Variants in HEATR5B observed in about 807,000 individuals in gnomAD.
The protein encoded by HEATR5B is HEAT repeat-containing protein 5B.
HEATR5B carries 156 observed loss-of-function variants against 224.1 expected under a neutral mutation model. The observed-to-expected ratio is 0.70, with a 90% confidence interval of 0.61 to 0.80. The LOEUF (loss-of-function observed/expected upper bound fraction) is 0.80. Among genes scored for constraint, HEATR5B ranks in the 30% least tolerant of loss-of-function variants. HEATR5B has a pLI of 0.00. For synonymous variants in HEATR5B, 1,027 were observed against 893.0 expected (o/e 1.15, Z -2.68); for missense variants, 2,323 against 2,535.5 (o/e 0.92, Z 1.80).
chr2:37,073,765 T>C (rs1672053263), intron 5 of HEATR5B, among the ~76,000 whole-genome samples: 1 of 152,154 alleles, frequency 6.6e-6, no homozygotes, highest in Non-Finnish European at 1.5e-5. Context: ...AATCCCAACA[T>C]GGTATTTTTG....
intron 26 of HEATR5B, among the ~76,000 whole-genome samples, chr2:37,015,154 A>G (rs955119985): frequency 6.6e-6 from 1 of 152,196 alleles, no homozygotes; most frequent in African/African-American, 2.4e-5. Context: ...GGTGTCAAAG[A>G]GGTTTGTATG....
intron 15 of HEATR5B, among the ~76,000 whole-genome samples, 182 bp from the exon 16 acceptor site, chr2:37,056,797 A>T (rs1157082855): frequency 6.6e-6 from 1 of 152,208 alleles, no homozygotes; most frequent in Non-Finnish European, 1.5e-5. Flanking sequence ...CATCAGTAAC[A>T]CCTTATACAA....
chr2:37,015,430 T>C (rs1487069792), intron 26 of HEATR5B, among the ~76,000 whole-genome samples: 2 of 152,088 alleles, frequency 1.3e-5, no homozygotes, highest in Non-Finnish European at 2.9e-5. Context: ...AGAACAGAGA[T>C]GATACGGATC....
At chr2:37,014,057 A>T in intron 26 of HEATR5B, 37 bp from the exon 27 acceptor site, 1 of 1,235,894 alleles carries the variant, frequency 8.1e-7, no homozygotes, top group Non-Finnish European at 1.1e-6. Flanking sequence ...TGTGTAAAAA[A>T]AATTAATGCT....
At chr2:37,078,576 C>G (rs1224568692) in intron 3 of HEATR5B, among the ~76,000 whole-genome samples, 2 of 152,146 alleles carry the variant, frequency 1.3e-5, no homozygotes, top group Non-Finnish European at 2.9e-5. Context: ...CTTTTGAGGT[C>G]TACATCTATC....
chr2:36,980,998 AT>A lies in HEATR5B; in HGVS notation c.*491del, dbSNP rs1665547959. The A allele has an allele frequency of 6.6e-6, 1 of 152,324 alleles. No individual in the cohort carries two copies. The highest frequency in any genetic ancestry group is 2.1e-4 in the South Asian group (1 of 4,832). 9.4% of individuals were successfully genotyped at this position (152,324 alleles called of 1,614,324 possible). On this transcript the variant is annotated 3_prime_UTR_variant, in exon 36 of 36. Transcript: ENST00000233099. ...AAAGATCCATCAGAAAGATAAGGAC[AT>A]TTTGGGAAATGCTTAGAAAATGCTG...
chr2:36,985,312 AGT>A (rs1439015494), intron 35 of HEATR5B, among the ~76,000 whole-genome samples: 1 of 152,104 alleles, frequency 6.6e-6, no homozygotes, highest in Non-Finnish European at 1.5e-5. Flanking sequence ...TATGGCATTT[AGT>A]CTTAGATTCA....
Position 37,009,613 on chromosome 2 carries a change from A to C in HEATR5B, c.4285-765T>G, listed in dbSNP as rs1217405877. Among the ~76,000 whole-genome samples the C allele has an allele frequency of 3.3e-5, 5 of 152,012 alleles. No homozygotes were observed. The South Asian group carries it at 1.0e-3, about 31-fold the overall frequency. On this transcript the variant is annotated intron_variant, in intron 27 of 35. Transcript: ENST00000233099. ...AAAAAAAAGTATATACAACTCCATG[A>C]TTTCCTGATAAACACAAAAGAATAA...
At chr2:36,999,695 GGAGA>G (rs1290772404) in intron 33 of HEATR5B, among the ~76,000 whole-genome samples, 2 of 151,690 alleles carry the variant, frequency 1.3e-5, no homozygotes, top group African/African-American at 2.4e-5. Flanking sequence ...AAAAAATTCT[GGAGA>G]GAGATATACA....
At chr2:37,032,882 TTG>T in intron 21 of HEATR5B, 109 bp from the exon 22 acceptor site, 4 of 973,320 alleles carry the variant, frequency 4.1e-6, no homozygotes, top group South Asian at 4.0e-5. Context: ...ATGTTTTGTT[TTG>T]TTTTTTTTTT....
At chr2:37,036,184 A>G (rs1019029795) in intron 21 of HEATR5B, among the ~76,000 whole-genome samples, 7 of 152,270 alleles carry the variant, frequency 4.6e-5, no homozygotes, top group Admixed American at 6.5e-5. Flanking sequence ...AAATCTCATT[A>G]TGTCACTCCC....
At chr2:37,021,713 C>T (rs1302581426) in intron 24 of HEATR5B, among the ~76,000 whole-genome samples, 1 of 151,752 alleles carries the variant, frequency 6.6e-6, no homozygotes, top group Non-Finnish European at 1.5e-5. Flanking sequence ...CATGGTGAAC[C>T]CCATCTCTAC....
chr2:37,079,354 A>G (rs747133867), intron 2 of HEATR5B, 23 bp from the exon 3 acceptor site: 4 of 1,427,480 alleles, frequency 2.8e-6, no homozygotes. Context: ...AAATTTTTAA[A>G]AGAACATCAT....
chr2:37,032,527 C>G, intron 22 of HEATR5B, 102 bp downstream of exon 22: 2 of 917,072 alleles, frequency 2.2e-6, no homozygotes, highest in Non-Finnish European at 3.3e-6. Context: ...AATAAGACAT[C>G]TGGCCACATT....
chr2:37,044,193 G>C (rs1670046905), intron 18 of HEATR5B, among the ~76,000 whole-genome samples: 1 of 152,098 alleles, frequency 6.6e-6, no homozygotes, highest in Non-Finnish European at 1.5e-5. Context: ...GTCGTATGTG[G>C]GTAGTGGCTG....
At chr2:37,059,832 T>A (rs1200025262) in intron 12 of HEATR5B, among the ~76,000 whole-genome samples, 2 of 152,084 alleles carry the variant, frequency 1.3e-5, no homozygotes, top group Non-Finnish European at 2.9e-5. Flanking sequence ...ACAAAAATGG[T>A]CCAGTGAGAA....
rs189490516 is a variant in HEATR5B, at chr2:37,054,866, T to C, written c.2400-1259A>G. ...TGTGAAACAAAGGAATCCAAGGAAG[T>C]TGGATTTAGTACTAAGACAATTATG... On this transcript the variant is annotated intron_variant, in intron 16 of 35. Coordinates refer to ENST00000233099, the MANE Select transcript of HEATR5B (RefSeq NM_019024.3). Among the ~76,000 whole-genome samples, 59 of 152,186 alleles carry C rather than the reference T, an allele frequency of 3.9e-4. 1 individual carries two copies. The South Asian group carries it at 9.3e-3, about 24-fold the overall frequency.
chr2:37,009,332 G>C (rs774761597), intron 27 of HEATR5B, among the ~76,000 whole-genome samples: 1 of 149,622 alleles, frequency 6.7e-6, no homozygotes, highest in Non-Finnish European at 1.5e-5. Flanking sequence ...TGTAATCCCA[G>C]CACTTTGAGA....
intron 28 of HEATR5B, chr2:37,008,029 C>T (rs530723454): frequency 7.8e-5 from 12 of 154,696 alleles, no homozygotes; most frequent in Admixed American, 3.8e-4. Context: ...ACACTGAGGA[C>T]TTCCTCATCA....
Sources: allele counts gnomAD v4.1 joint callset (sites outside exome capture counted in the v4.1 genomes callset), GRCh38; gene constraint gnomAD v4.1.1; transcripts MANE v1.5; gene names NCBI Gene and HGNC (gene_info 2026-07-23, HGNC 2026-07-21).